The following CCDC178 variants were observed in gnomAD, a reference collection of about 807,000 sequenced individuals.
CCDC178 encodes coiled-coil domain-containing protein 178.
In CCDC178, 126 loss-of-function variants were observed where a neutral mutation model predicts 117.4. The observed-to-expected ratio is 1.07, with a 90% CI of 0.93 to 1.24. The LOEUF is 1.24. Ranked by LOEUF, CCDC178 falls within the 50% of genes most tolerant of loss-of-function variation. The pLI is 0.00. For synonymous variants in CCDC178, 283 were observed against 313.4 expected (o/e 0.90, Z 1.02); for missense variants, 1,030 against 986.9 (o/e 1.04, Z -0.59).
intron 22 of CCDC178, among the ~76,000 whole-genome samples, chr18:32,972,494 C>T (rs2054948627): frequency 6.6e-6 from 1 of 152,060 alleles, no homozygotes; most frequent in African/African-American, 2.4e-5. Context: ...ATTGTCTTGT[C>T]TCTACGGGCT....
In CCDC178 at chr18:33,211,998, A is replaced by G. The variant is rs1364730536; in HGVS notation, c.2136T>C (p.His712=). The G allele has an allele frequency of 2.5e-6, 4 of 1,608,354 alleles. No individual in the cohort carries two copies. Among genetic ancestry groups the G allele is most frequent in the Non-Finnish European group, 1.7e-6 (2 of 1,177,056 alleles). ...KREHAQTVFD[H]YMQEKKDCEE... ...CACAGTCTTTTTTCTCTTGCATATAATGATCAAACACAGTTTGTGCATGTT... is the reference window on the plus strand; with the variant it reads ...CACAGTCTTTTTTCTCTTGCATATAGTGATCAAACACAGTTTGTGCATGTT... Residue 712 remains histidine, a synonymous_variant, in exon 20 of 23, where the codon CAT becomes CAC. Transcript: ENST00000383096.
At chr18:33,420,791 T>TA (rs1326144317) in intron 2 of CCDC178, among the ~76,000 whole-genome samples, 1 of 151,500 alleles carries the variant, frequency 6.6e-6, no homozygotes, top group Non-Finnish European at 1.5e-5. Flanking sequence ...AAATAACAGT[T>TA]AAAAAAAGTA....
intron 21 of CCDC178, among the ~76,000 whole-genome samples, chr18:33,005,435 G>C (rs71363403): frequency 3.3e-5 from 5 of 151,960 alleles, no homozygotes; most frequent in Non-Finnish European, 7.4e-5. Flanking sequence ...TGGAAATAGA[G>C]ATCAGAATGA....
At chr18:33,396,313 A>T (rs1325947811) in intron 4 of CCDC178, among the ~76,000 whole-genome samples, 1 of 152,164 alleles carries the variant, frequency 6.6e-6, no homozygotes, top group Non-Finnish European at 1.5e-5. Context: ...GTGGTAGGAA[A>T]AAAATGGAGC....
chr18:32,972,615 C>A (rs1286139413), intron 22 of CCDC178, among the ~76,000 whole-genome samples: 1 of 151,856 alleles, frequency 6.6e-6, no homozygotes, highest in African/African-American at 2.4e-5. Flanking sequence ...ATGAGTATTG[C>A]AGAAACAGGG....
At chr18:33,405,056 T>A (rs1346447422) in intron 3 of CCDC178, among the ~76,000 whole-genome samples, 2 of 152,044 alleles carry the variant, frequency 1.3e-5, no homozygotes, top group African/African-American at 4.8e-5. Flanking sequence ...CACAAACTTA[T>A]ACTAAAAATT....
intron 12 of CCDC178, among the ~76,000 whole-genome samples, chr18:33,269,421 C>G (rs1243553181): frequency 6.6e-6 from 1 of 151,726 alleles, no homozygotes; most frequent in Non-Finnish European, 1.5e-5. Flanking sequence ...CTGGAAATAC[C>G]TGAGAAGCTA....
chr18:33,267,285 T>C lies in CCDC178; in HGVS notation c.1189A>G (p.Arg397Gly). 6.3e-7 allele frequency: 1 copy of C among 1,591,522 alleles called. No individual in the cohort carries two copies. The highest frequency in any genetic ancestry group is 8.5e-7 in the Non-Finnish European group (1 of 1,171,110). The part of the protein sequence containing the change: ...HSLSKMLEDL[R>G]RVYDQLTWKQ... The stretch of plus-strand genomic sequence containing the variant: ...CAGGTTAGTTGGTCATAAACTCTTC[T>C]CAAATCTTCCAGCTAAGAAAGAAGA... Residue 397 changes from arginine (R) to glycine (G), a missense_variant, in exon 13 of 23, where the codon AGA (arginine) becomes GGA (glycine). Physicochemically the swap from Arg to Gly is moderately radical, Grantham distance 125 (BLOSUM62 -2). Coordinates refer to ENST00000383096, the MANE Select transcript of CCDC178 (RefSeq NM_001105528.4).
At chr18:33,000,455 T>C (rs1328627980) in intron 21 of CCDC178, among the ~76,000 whole-genome samples, 1 of 152,088 alleles carries the variant, frequency 6.6e-6, no homozygotes, top group Admixed American at 6.5e-5. Context: ...ATCCCAAACC[T>C]AGAGAAAGAT....
chr18:33,144,923 A>T (rs758948802), intron 20 of CCDC178, among the ~76,000 whole-genome samples: 1 of 152,156 alleles, frequency 6.6e-6, no homozygotes, highest in Non-Finnish European at 1.5e-5. Flanking sequence ...TTCCTATGAA[A>T]TTTCTTTCGA....
At chr18:33,212,430 T>A (rs1453160097) in intron 19 of CCDC178, among the ~76,000 whole-genome samples, 11 of 151,980 alleles carry the variant, frequency 7.2e-5, no homozygotes, top group Non-Finnish European at 2.9e-5. Flanking sequence ...GAGAAGCTCT[T>A]AATTCCATGT....
intron 21 of CCDC178, among the ~76,000 whole-genome samples, chr18:33,054,817 T>C: frequency 6.6e-6 from 1 of 152,248 alleles, no homozygotes; most frequent in East Asian, 1.9e-4. Flanking sequence ...AAACGGTATT[T>C]CTACCTGTAG....
At chr18:32,997,357 T>C (rs370148459) in intron 21 of CCDC178, among the ~76,000 whole-genome samples, 106 of 152,326 alleles carry the variant, frequency 7.0e-4, no homozygotes, top group African/African-American at 2.2e-3. Flanking sequence ...CCTAATGTGG[T>C]TGGGCCTCAT....
At chr18:33,374,978 G>A (rs2063345320) in intron 5 of CCDC178, among the ~76,000 whole-genome samples, 3 of 152,206 alleles carry the variant, frequency 2.0e-5, no homozygotes, top group Non-Finnish European at 4.4e-5. Context: ...CTGTAGAGGG[G>A]GCACGAATGA....
At chr18:32,965,970 T>A (rs1255786131) in intron 22 of CCDC178, among the ~76,000 whole-genome samples, 2 of 149,268 alleles carry the variant, frequency 1.3e-5, no homozygotes, top group Non-Finnish European at 3.0e-5. Flanking sequence ...TATAATAGAA[T>A]CAATTTTTAA....
intron 21 of CCDC178, chr18:32,983,173 T>A: frequency 4.9e-6 from 3 of 608,518 alleles, no homozygotes; most frequent in Admixed American, 3.0e-5. Context: ...TACACTGGAG[T>A]GGGAATTGGG....
At chr18:33,319,625 C>T (rs1410832098) in intron 11 of CCDC178, among the ~76,000 whole-genome samples, 1 of 152,172 alleles carries the variant, frequency 6.6e-6, no homozygotes, top group Non-Finnish European at 1.5e-5. Context: ...ACACTGTCTT[C>T]CACAATGGTT....
At chr18:33,421,890 T>C (rs2064031811) in intron 2 of CCDC178, among the ~76,000 whole-genome samples, 1 of 152,242 alleles carries the variant, frequency 6.6e-6, no homozygotes, top group Non-Finnish European at 1.5e-5. Flanking sequence ...TCAAAACTTG[T>C]GTCTTCTTAA....
At chr18:33,134,772 A>G (rs568557965) in intron 20 of CCDC178, among the ~76,000 whole-genome samples, 1 of 152,178 alleles carries the variant, frequency 6.6e-6, no homozygotes, top group East Asian at 1.9e-4. Context: ...TCCTAGTTTA[A>G]TGTACATATG....
Sources: allele counts gnomAD v4.1 joint callset (sites outside exome capture counted in the v4.1 genomes callset), GRCh38; gene constraint gnomAD v4.1.1; transcripts MANE v1.5; gene names NCBI Gene and HGNC (gene_info 2026-07-23, HGNC 2026-07-21).